Variants in LRMDA observed in about 807,000 individuals in gnomAD.
The protein encoded by LRMDA is leucine rich melanocyte differentiation associated.
A neutral mutation model predicts 29.8 loss-of-function variants in LRMDA; 18 were observed. The ratio of observed to expected loss-of-function variants is 0.60; its 90% CI spans 0.42 to 0.90. The LOEUF (loss-of-function observed/expected upper bound fraction) is 0.90. Ranked by LOEUF, LRMDA falls within the 40% of genes least tolerant of loss-of-function variation. The pLI, the probability that LRMDA is intolerant of heterozygous loss-of-function variation, is 0.00. For synonymous variants in LRMDA, 125 were observed against 109.4 expected (o/e 1.14, Z -0.89); for missense variants, 273 against 273.9 (o/e 1.00, Z 0.02).
At chr10:75,787,560 G>A (rs1445226671) in intron 2 of LRMDA, among the ~76,000 whole-genome samples, 1 of 152,020 alleles carries the variant, frequency 6.6e-6, no homozygotes, top group Non-Finnish European at 1.5e-5. Context: ...CAGACCCCCC[G>A]CCCTCATGAT....
chr10:75,788,166 A>C (rs1216611457), intron 2 of LRMDA, among the ~76,000 whole-genome samples: 1 of 152,256 alleles, frequency 6.6e-6, no homozygotes, highest in Non-Finnish European at 1.5e-5. Context: ...GTGCCACCGC[A>C]CTGCAGCCTG....
At chr10:76,049,756 T>C (rs2132044254) in intron 4 of LRMDA, among the ~76,000 whole-genome samples, 1 of 152,290 alleles carries the variant, frequency 6.6e-6, no homozygotes, top group South Asian at 2.1e-4. Flanking sequence ...GCTGCCTTTT[T>C]TTTCTTTTGG....
chr10:76,381,330 T>C (rs1433411747), intron 6 of LRMDA, among the ~76,000 whole-genome samples: 1 of 152,198 alleles, frequency 6.6e-6, no homozygotes, highest in African/African-American at 2.4e-5. Flanking sequence ...TGATATTTGG[T>C]ATCTTCAATT....
intron 2 of LRMDA, among the ~76,000 whole-genome samples, chr10:75,836,354 G>C (rs1844436455): frequency 6.6e-6 from 1 of 152,128 alleles, no homozygotes; most frequent in South Asian, 2.1e-4. Flanking sequence ...CTGAAGAAGA[G>C]GCCTCAAAGA....
In LRMDA at chr10:76,366,015, T is replaced by C. The variant is rs893204152; in HGVS notation, c.601+41530T>C. ...AAAAGGGTGTCCTTTCCCCACTTTA[T>C]GTTTTTGTTTACTTTGTTGAAGATC... On this transcript the variant is annotated intron_variant, in intron 6 of 6. Coordinates refer to ENST00000611255, the MANE Select transcript of LRMDA (RefSeq NM_001305581.2). Among the ~76,000 whole-genome samples the C allele has an allele frequency of 5.9e-5, 9 of 152,190 alleles. No homozygotes were observed. In the South Asian group the frequency reaches 1.9e-3, roughly 31 times the overall value.
intron 2 of LRMDA, among the ~76,000 whole-genome samples, chr10:75,804,854 T>C (rs554390768): frequency 6.6e-6 from 1 of 152,342 alleles, no homozygotes; most frequent in East Asian, 1.9e-4. Flanking sequence ...ATTTTCCCTG[T>C]GCATGAGAGG....
intron 6 of LRMDA, among the ~76,000 whole-genome samples, chr10:76,441,678 G>A (rs994722199): frequency 4.6e-5 from 7 of 152,122 alleles, no homozygotes; most frequent in Admixed American, 2.6e-4. Flanking sequence ...AGCAGGATGT[G>A]GATGTGCGAG....
intron 6 of LRMDA, among the ~76,000 whole-genome samples, chr10:76,417,470 A>T (rs1467479734): frequency 2.0e-5 from 3 of 151,904 alleles, no homozygotes; most frequent in African/African-American, 7.2e-5. Flanking sequence ...GTCACCACCC[A>T]GACAAAAAAA....
chr10:75,933,449 G>A (rs1295508866), intron 2 of LRMDA, among the ~76,000 whole-genome samples: 3 of 152,208 alleles, frequency 2.0e-5, no homozygotes, highest in African/African-American at 7.2e-5. Flanking sequence ...TGTAGTCTTT[G>A]CATGAAAAAG....
intron 2 of LRMDA, among the ~76,000 whole-genome samples, chr10:75,531,091 T>G (rs1845472284): frequency 6.6e-6 from 1 of 152,222 alleles, no homozygotes. Context: ...GCATGTCTCT[T>G]GAGTGTCTGT....
At chr10:75,821,715 G>C (rs971999637) in intron 2 of LRMDA, among the ~76,000 whole-genome samples, 1 of 152,032 alleles carries the variant, frequency 6.6e-6, no homozygotes, top group African/African-American at 2.4e-5. Flanking sequence ...CTTGCAGTGA[G>C]CCGAGATCAC....
intron 2 of LRMDA, among the ~76,000 whole-genome samples, chr10:75,991,119 G>T (rs1847360962): frequency 6.6e-6 from 1 of 152,250 alleles, no homozygotes; most frequent in African/African-American, 2.4e-5. Flanking sequence ...GAGAGAACTC[G>T]GGTATGGCAA....
intron 6 of LRMDA, among the ~76,000 whole-genome samples, chr10:76,365,480 T>C (rs1841382075): frequency 1.3e-5 from 2 of 152,338 alleles, no homozygotes; most frequent in Middle Eastern, 3.4e-3. Flanking sequence ...GGTTTTGATT[T>C]GCATCTCCCT....
intron 5 of LRMDA, among the ~76,000 whole-genome samples, chr10:76,264,006 G>A (rs1839974340): frequency 1.3e-5 from 2 of 152,034 alleles, no homozygotes; most frequent in Non-Finnish European, 2.9e-5. Flanking sequence ...CATTTGGAAG[G>A]GTTCCATTCA....
rs1194416659 is a variant in LRMDA, at chr10:75,561,025, G to A, written c.131+122531G>A. ...TTGGTTGTGTCTCTGCCCGGCTTTG[G>A]TATCAGGATGATGCTGGCCTCATAA... On this transcript the variant is annotated intron_variant, in intron 2 of 6. Coordinates refer to ENST00000611255, the MANE Select transcript of LRMDA (RefSeq NM_001305581.2). 7.9e-5 allele frequency among the ~76,000 whole-genome samples: 12 copies of A among 150,972 alleles called. No homozygotes were observed. The South Asian group carries it at 1.5e-3, about 19-fold the overall frequency.
chr10:75,504,015 ATT>A (rs34217626), intron 2 of LRMDA, among the ~76,000 whole-genome samples: 12 of 141,762 alleles, frequency 8.5e-5, no homozygotes, highest in Non-Finnish European at 7.6e-5. Flanking sequence ...TATTAATCCC[ATT>A]TTTTTTTTTT....
At chr10:75,928,225 T>G (rs1846152555) in intron 2 of LRMDA, among the ~76,000 whole-genome samples, 2 of 151,768 alleles carry the variant, frequency 1.3e-5, no homozygotes, top group African/African-American at 4.8e-5. Context: ...TGCTTTACAA[T>G]GGAGGCTGGG....
chr10:75,956,135 G>A (rs1846659868), intron 2 of LRMDA, among the ~76,000 whole-genome samples: 1 of 152,166 alleles, frequency 6.6e-6, no homozygotes, highest in African/African-American at 2.4e-5. Context: ...TGGAGCTAGA[G>A]GATATGCTTC....
chr10:76,410,408 A>T (rs968998335), intron 6 of LRMDA, among the ~76,000 whole-genome samples: 1 of 141,374 alleles, frequency 7.1e-6, no homozygotes, highest in African/African-American at 2.7e-5. Context: ...TCTTGGTCTC[A>T]AGTGATCCTC....
Sources: allele counts gnomAD v4.1 joint callset (sites outside exome capture counted in the v4.1 genomes callset), GRCh38; gene constraint gnomAD v4.1.1; transcripts MANE v1.5; gene names NCBI Gene and HGNC (gene_info 2026-07-23, HGNC 2026-07-21).